Variants in HR observed in about 807,000 individuals in gnomAD.
HR encodes the protein lysine-specific demethylase hairless.
HR carries 83 observed loss-of-function variants against 128.6 expected under a neutral mutation model. The ratio of observed to expected loss-of-function variants is 0.65; its 90% CI spans 0.54 to 0.77. The LOEUF is 0.77. Ranked by LOEUF, HR falls within the 30% of genes least tolerant of loss-of-function variation. HR has a pLI of 0.00. For missense variants in HR, 1,490 were observed against 1,574.6 expected (o/e 0.95, Z 0.91); for synonymous variants, 681 against 658.2 (o/e 1.03, Z -0.53).
At position 22,129,015 on chromosome 8, in the gene HR, G is replaced by C. The variant is rs376884600; in HGVS notation, c.156C>G (p.Gly52=). Residue 52 remains glycine, a synonymous_variant, in exon 2 of 19, where the codon GGC becomes GGG. Coordinates refer to ENST00000381418, the MANE Select transcript of HR (RefSeq NM_005144.5). ...GCCAGGAGTCTGGGGTGCTCAGGAC[G>C]CCCCTCCAAAAGGGAGCAGGCTCTC... is the stretch of plus-strand genomic sequence containing the variant. ...CLGEPAPFWR[G]VLSTPDSWLP... is the part of the protein sequence containing the mutation. 2 of 1,610,942 alleles carry C rather than the reference G, an allele frequency of 1.2e-6. No homozygotes were observed. The highest frequency in any genetic ancestry group is 2.7e-5 in the African/African-American group (2 of 74,834).
intron 5 of HR, among the ~76,000 whole-genome samples, chr8:22,124,077 C>T (rs375954408): frequency 1.3e-5 from 2 of 152,204 alleles, no homozygotes; most frequent in Admixed American, 1.3e-4. Flanking sequence ...ATTCCTGCCC[C>T]ACACCCAGCT....
chr8:22,121,664 G>A lies in HR; in HGVS notation c.2152C>T (p.Pro718Ser), dbSNP rs1439863232. The change falls in exon 9 of 19, where the codon CCA becomes TCA. Residue 718 changes from proline to serine, a missense_variant. Pro to Ser is a moderately conservative substitution (Grantham distance 74). Coordinates refer to ENST00000381418, the MANE Select transcript of HR (RefSeq NM_005144.5). ...GTGTCGCCATTGCAGGAAGGTTGTG[G>A]AGTTGGGGGCGTTTTCTGTGTTGAT... ...KESTQKTPPT[P>S]QPSCNGDTHR... 9 of 1,614,200 alleles carry A rather than the reference G, an allele frequency of 5.6e-6. No individual in the cohort carries two copies. Among genetic ancestry groups the A allele is most frequent in the Non-Finnish European group, 7.6e-6 (9 of 1,180,034 alleles).
rs2131754116 is a variant in HR at position 22,120,089 on chromosome 8, T to C, written c.2846+15A>G. On this transcript the variant is annotated intron_variant, in intron 13 of 18. Transcript: ENST00000381418. ...GTGGCGGGGAGGTAGGGCTGGCCCT[T>C]GGTGACATACACACCTGCTGGTGTC... 6.3e-7 allele frequency: 1 copy of C among 1,580,204 alleles called. No homozygotes were observed. Among genetic ancestry groups the C allele is most frequent in the East Asian group, 2.3e-5 (1 of 43,728 alleles).
At chr8:22,121,809 T>A in intron 8 of HR, 115 bp from the exon 9 acceptor site, 2 of 1,054,296 alleles carry the variant, frequency 1.9e-6, no homozygotes, top group East Asian at 2.6e-5. Context: ...TAAAATCGTG[T>A]TTATAGGAGC....
At chr8:22,121,771 A>C in intron 8 of HR, 77 bp from the exon 9 acceptor site, 7 of 1,380,768 alleles carry the variant, frequency 5.1e-6, no homozygotes, top group Non-Finnish European at 6.1e-6. Flanking sequence ...AGAACCCACA[A>C]GAATGAACAA....
chr8:22,123,908 G>T, intron 5 of HR, 95 bp from the exon 6 acceptor site: 3 of 1,403,118 alleles, frequency 2.1e-6, no homozygotes, highest in South Asian at 2.5e-5. Context: ...GGCAGGAGAA[G>T]CAAGGAGCAG....
intron 12 of HR, 36 bp from the exon 13 acceptor site, chr8:22,120,209 A>T (rs370059076): frequency 1.2e-4 from 186 of 1,593,320 alleles, no homozygotes; most frequent in Non-Finnish European, 1.5e-4. Flanking sequence ...TGGCCTCCTC[A>T]GCCCTGAAGC....
In HR at chr8:22,120,711, C is replaced by T; in HGVS notation, c.2610+5G>A. 2.0e-6 allele frequency: 3 copies of T among 1,500,134 alleles called. No individual in the cohort carries two copies. The highest frequency in any genetic ancestry group is 2.1e-5 in the Admixed American group (1 of 48,212). The allele number at this position is 1,500,134 out of a possible 1,614,324, so 92.9% of individuals were successfully genotyped here. On this transcript the variant is annotated splice_donor_5th_base_variant and intron_variant, in intron 11 of 18. Coordinates refer to ENST00000381418, the MANE Select transcript of HR (RefSeq NM_005144.5). ...GGCCGGGAGGGGAGGGGAGGGGTGC[C>T]TCACCTGGCCCTGCCTCCAGTGCTC... is the stretch of plus-strand genomic sequence containing the variant.
chr8:22,120,269 TG>T, intron 12 of HR, 72 bp downstream of exon 12: 1 of 1,611,330 alleles, frequency 6.2e-7, no homozygotes, highest in South Asian at 1.1e-5. Context: ...GGGGTCACCC[TG>T]GGACTCCTCT....
At chr8:22,120,660 C>T (rs2131755051) in intron 11 of HR, 56 bp downstream of exon 11, 1 of 1,528,352 alleles carries the variant, frequency 6.5e-7, no homozygotes, top group Non-Finnish European at 8.8e-7. Context: ...GGGACCAAGG[C>T]CCCGAGGGGC....
In HR at chr8:22,125,609, T is replaced by A; in HGVS notation, c.1529A>T (p.His510Leu). 1.9e-6 allele frequency: 3 copies of A among 1,603,366 alleles called. No individual in the cohort carries two copies. Among genetic ancestry groups the A allele is most frequent in the Non-Finnish European group, 2.6e-6 (3 of 1,176,186 alleles). ...CCGCACTTGCTGAGAGTGGCAGGCG[T>A]GCCCTCCTCCCTCTCCAGCTGCCTG... ...CAQAAGEGGG[H>L]ACHSQQVRRS... is the part of the protein sequence containing the mutation. The change falls in exon 4 of 19, where the codon CAC becomes CTC. Residue 510 changes from histidine (H) to leucine (L), a missense_variant. Transcript: ENST00000381418.
rs780456629 is a variant in HR, at chr8:22,123,671, A to C, written c.1893T>G (p.Thr631=). The part of the protein sequence containing the change: ...LCVACGRVAG[T]GRAREKAGFQ... ...TACCTGCTTTCTCCCTGGCCCGCCC[A>C]GTGCCTGCCACACGACCACAGGCCA... Residue 631 remains threonine, a synonymous_variant, in exon 6 of 19, where the codon ACT becomes ACG. Coordinates refer to ENST00000381418, the MANE Select transcript of HR (RefSeq NM_005144.5). The C allele has an allele frequency of 8.2e-7, 1 of 1,225,176 alleles. No individual in the cohort carries two copies. Among genetic ancestry groups the C allele is most frequent in the African/African-American group, 1.9e-5 (1 of 51,996 alleles). The allele number at this position is 1,225,176 out of a possible 1,614,324, so 75.9% of individuals were successfully genotyped here.
chr8:22,126,728 A>G (rs1286658185), intron 3 of HR, among the ~76,000 whole-genome samples: 1 of 152,226 alleles, frequency 6.6e-6, no homozygotes, highest in Non-Finnish European at 1.5e-5. Context: ...AACTCATCCG[A>G]GGTCACACAG....
intron 16 of HR, chr8:22,118,605 T>G: frequency 3.0e-6 from 1 of 336,576 alleles, no homozygotes; most frequent in Non-Finnish European, 5.6e-6. Context: ...CATCTGCCAA[T>G]GGGAAAGGAG....
chr8:22,123,682 C>T lies in HR; in HGVS notation c.1882G>A (p.Val628Met). The T allele has an allele frequency of 6.5e-7, 1 of 1,548,078 alleles. No homozygotes were observed. The highest frequency in any genetic ancestry group is 2.4e-5 in the East Asian group (1 of 41,916). The change falls in exon 6 of 19, where the codon GTG (valine) becomes ATG (methionine). Residue 628 changes from valine to methionine, a missense_variant. Physicochemically the swap from Val to Met is conservative, Grantham distance 21 (BLOSUM62 1). Coordinates refer to ENST00000381418, the MANE Select transcript of HR (RefSeq NM_005144.5). ...SHRLCVACGR[V>M]AGTGRAREKA... The stretch of plus-strand genomic sequence containing the variant: ...TCCCTGGCCCGCCCAGTGCCTGCCA[C>T]ACGACCACAGGCCACACACAGCCGG...
At chr8:22,128,173 A>T (rs1028635369) in intron 2 of HR, 7 of 510,674 alleles carry the variant, frequency 1.4e-5, no homozygotes, top group African/African-American at 1.2e-4. Context: ...AGTGGGAGTC[A>T]TCTATGGAGG....
Position 22,125,597 on chromosome 8 carries a change from G to C in HR, c.1541C>G (p.Ser514Cys). ...AGEGGGHACH[S>C]QQVRRSPLGG... ...AATGGCTCACCTCCGCACTTGCTGAGAGTGGCAGGCGTGCCCTCCTCCCTC... is the reference window on the plus strand; with the variant it reads ...AATGGCTCACCTCCGCACTTGCTGACAGTGGCAGGCGTGCCCTCCTCCCTC... The change falls in exon 4 of 19, where the codon TCT becomes TGT. Residue 514 changes from serine (S) to cysteine (C), a missense_variant. Coordinates refer to ENST00000381418, the MANE Select transcript of HR (RefSeq NM_005144.5). 1 of 1,609,504 alleles carries C rather than the reference G, an allele frequency of 6.2e-7. No homozygotes were observed. Among genetic ancestry groups the C allele is most frequent in the Non-Finnish European group, 8.5e-7 (1 of 1,178,536 alleles).
At chr8:22,122,904 G>T in intron 6 of HR, 25 bp from the exon 7 acceptor site, 1 of 1,547,162 alleles carries the variant, frequency 6.5e-7, no homozygotes, top group Non-Finnish European at 8.7e-7. Context: ...GGGAAAAGCT[G>T]CAGGTCCAGA....
chr8:22,124,601 C>A (rs80023049), intron 5 of HR, among the ~76,000 whole-genome samples: 1,744 of 152,216 alleles, frequency 0.011, 9 homozygotes, highest in Non-Finnish European at 0.014. Flanking sequence ...CACCACGAGG[C>A]GGGTGCTGGA....
Sources: allele counts gnomAD v4.1 joint callset (sites outside exome capture counted in the v4.1 genomes callset), GRCh38; gene constraint gnomAD v4.1.1; transcripts MANE v1.5; gene names NCBI Gene and HGNC (gene_info 2026-07-23, HGNC 2026-07-21).